GSAP: variants seen among roughly 807,000 people sequenced by gnomAD.
GSAP encodes gamma-secretase-activating protein.
GSAP carries 118 observed loss-of-function variants against 131.7 expected under a neutral mutation model. That is an observed-to-expected ratio of 0.90 (90% confidence interval 0.77 to 1.04). The LOEUF is 1.04. Ranked by LOEUF, GSAP falls within the 50% of genes least tolerant of loss-of-function variation. The pLI is 0.00. For synonymous variants in GSAP, 381 were observed against 363.4 expected, an observed-to-expected ratio of 1.05 and a Z score of -0.55; for missense variants, 1,019 against 1,013.2, an observed-to-expected ratio of 1.01 and a Z score of -0.08.
rs370560601 is a variant in GSAP, at chr7:77,387,953, G to A, written c.368-505C>T. Reference sequence around the variant, plus strand: ...CCAGCAACATATAAGAGGGCCTAACGGGTTTCTAATGGATATCATTTTTCC... The same window carrying A: ...CCAGCAACATATAAGAGGGCCTAACAGGTTTCTAATGGATATCATTTTTCC... On this transcript the variant is annotated intron_variant, in intron 5 of 30. Transcript: ENST00000257626. Among the ~76,000 whole-genome samples the A allele has an allele frequency of 1.4e-4, 21 of 152,252 alleles. No individual in the cohort carries two copies. The East Asian group carries it at 3.7e-3, about 27-fold the overall frequency.
chr7:77,381,112 T>C (rs1012221633), intron 8 of GSAP, among the ~76,000 whole-genome samples, 193 bp downstream of exon 8: 6 of 152,082 alleles, frequency 3.9e-5, no homozygotes, highest in Non-Finnish European at 8.8e-5. Flanking sequence ...AGGGTTGAGG[T>C]AGAGAAAAAG....
Position 77,377,347 on chromosome 7 carries a change from T to C in GSAP, c.620A>G (p.Glu207Gly). ...ATCCCACTGAGCCCAAACGAAATCC[T>C]CAGCTATTCTGTCTCTTGGGAGATG... Reference protein sequence around the residue: ...SGHLPRDRIAEDFVWAQWDMS... With the variant: ...SGHLPRDRIAGDFVWAQWDMS... The change falls in exon 9 of 31, where the codon GAG becomes GGG. Residue 207 changes from glutamate (E) to glycine (G), a missense_variant. Transcript: ENST00000257626. The C allele has an allele frequency of 6.6e-7, 1 of 1,519,386 alleles. No homozygotes were observed. Among genetic ancestry groups the C allele is most frequent in the Non-Finnish European group, 8.8e-7 (1 of 1,131,394 alleles). 94.1% of individuals were successfully genotyped at this position (1,519,386 alleles called of 1,614,324 possible). A position where few individuals can be genotyped will look rare whatever the true frequency, so the allele number is the denominator to read the frequency against.
intron 27 of GSAP, 63 bp downstream of exon 27, chr7:77,314,307 A>G (rs1794734881): frequency 1.9e-6 from 3 of 1,597,482 alleles, no homozygotes; most frequent in East Asian, 4.5e-5. Flanking sequence ...TGCACACCCA[A>G]GAAGCTAGCC....
In GSAP at chr7:77,360,799, G is replaced by T. The variant is rs746077494; in HGVS notation, c.1027+25C>A. 13 of 1,220,616 alleles carry T rather than the reference G, an allele frequency of 1.1e-5. No individual in the cohort carries two copies. In the Admixed American group the frequency reaches 2.0e-4, roughly 19 times the overall value. The allele number at this position is 1,220,616 out of a possible 1,614,324, so 75.6% of individuals were successfully genotyped here. On this transcript the variant is annotated intron_variant, in intron 14 of 30. Coordinates refer to ENST00000257626, the MANE Select transcript of GSAP (RefSeq NM_017439.4). ...GCCTAGGAACAAGTGTTCAGAGCAG[G>T]GGGTGTGATCTCTCCATCACTCACC...
chr7:77,413,857 G>GT (rs75886240), intron 1 of GSAP, among the ~76,000 whole-genome samples: 78,179 of 149,892 alleles, frequency 0.52, 21,337 homozygotes, highest in South Asian at 0.63. Context: ...TACTTCGGTG[G>GT]TTTTTTTCTT....
intron 19 of GSAP, chr7:77,330,591 T>TTTTTTTTTTG: frequency 9.4e-7 from 1 of 1,065,244 alleles, no homozygotes; most frequent in Non-Finnish European, 1.1e-6. Context: ...TTTTTTTTTT[T>TTTTTTTTTTG]TTGTCGTTGT....
intron 10 of GSAP, 30 bp from the exon 11 acceptor site, chr7:77,375,131 A>G (rs753409472): frequency 7.2e-7 from 1 of 1,391,572 alleles, no homozygotes; most frequent in East Asian, 2.3e-5. Context: ...AAATGAACCC[A>G]AAATGACAGA....
intron 12 of GSAP, among the ~76,000 whole-genome samples, chr7:77,368,957 A>G (rs1470471302): frequency 6.6e-6 from 1 of 152,232 alleles, no homozygotes; most frequent in East Asian, 1.9e-4. Flanking sequence ...AATGATGAAG[A>G]TAATATCTCA....
chr7:77,402,592 T>TAAA (rs1801527045), intron 3 of GSAP, among the ~76,000 whole-genome samples: 1 of 6,046 alleles, frequency 1.7e-4, no homozygotes, highest in Non-Finnish European at 4.2e-4. Flanking sequence ...AGACTCTGTC[T>TAAA]CAAAAAAAAA....
In GSAP at chr7:77,311,231, A is replaced by G; in HGVS notation, c.*127T>C. 1 of 659,054 alleles carries G rather than the reference A, an allele frequency of 1.5e-6. No homozygotes were observed. Among genetic ancestry groups the G allele is most frequent in the East Asian group, 2.7e-5 (1 of 37,268 alleles). 40.8% of individuals were successfully genotyped at this position (659,054 alleles called of 1,614,324 possible). A position where few individuals can be genotyped will look rare whatever the true frequency, so the allele number is the denominator to read the frequency against. ...GAACGTGTACCAACCTGAAACTCACATGGCTAAACAATTATGGCTAAACTA... is the reference window on the plus strand; with the variant it reads ...GAACGTGTACCAACCTGAAACTCACGTGGCTAAACAATTATGGCTAAACTA... On this transcript the variant is annotated 3_prime_UTR_variant, in exon 31 of 31. Coordinates refer to ENST00000257626, the MANE Select transcript of GSAP (RefSeq NM_017439.4).
chr7:77,353,890 G>C (rs535378486), intron 16 of GSAP, among the ~76,000 whole-genome samples: 1 of 152,142 alleles, frequency 6.6e-6, no homozygotes, highest in East Asian at 1.9e-4. Context: ...CCAAATAAAC[G>C]TTCCTCAACC....
chr7:77,387,495 CATT>C lies in GSAP; in HGVS notation c.368-50_368-48del, dbSNP rs759268814. The C allele has an allele frequency of 6.1e-5, 61 of 1,004,222 alleles. No homozygotes were observed. In the East Asian group the frequency reaches 1.3e-3, roughly 22 times the overall value. 62.2% of individuals were successfully genotyped at this position (1,004,222 alleles called of 1,614,324 possible). On this transcript the variant is annotated intron_variant, in intron 5 of 30. Coordinates refer to ENST00000257626, the MANE Select transcript of GSAP (RefSeq NM_017439.4). ...TAGTAACGAAGATTGTAATATCACA[CATT>C]ATTTTTTCCAAAGCAAGGAGTAAGA... is the stretch of plus-strand genomic sequence containing the variant.
At chr7:77,343,647 C>T (rs1791348370) in intron 19 of GSAP, among the ~76,000 whole-genome samples, 2 of 152,180 alleles carry the variant, frequency 1.3e-5, no homozygotes, top group African/African-American at 4.8e-5. Flanking sequence ...ATTTCTGTCC[C>T]TCACTGCCAG....
chr7:77,312,183 C>T lies in GSAP; in HGVS notation c.2291G>A (p.Cys764Tyr), dbSNP rs1282097066. 6.3e-7 allele frequency: 1 copy of T among 1,595,646 alleles called. No homozygotes were observed. Among genetic ancestry groups the T allele is most frequent in the Non-Finnish European group, 8.5e-7 (1 of 1,172,166 alleles). ...RLPPLIGQKI[C>Y]RLWDHPMSSN... ...ACTCATAGGATGATCCCAAAGTCTA[C>T]AAATCTTCTGCCCAATAAGCTATTA... The change falls in exon 29 of 31, where the codon TGT (cysteine) becomes TAT (tyrosine). Residue 764 changes from cysteine to tyrosine, a missense_variant. Cys to Tyr is a radical substitution (Grantham distance 194, BLOSUM62 -2). Transcript: ENST00000257626.
In GSAP at chr7:77,312,161, CAT is replaced by C; in HGVS notation, c.2311_2312del (p.Met771GlufsTer3). The part of the protein sequence containing the change: ...QKICRLWDHP[M>X]SSNIISRNHV... The stretch of plus-strand genomic sequence containing the variant: ...GGTTCCGCGAAATGATGTTAGAACT[CAT>C]AGGATGATCCCAAAGTCTACAAATC... On this transcript the variant is annotated frameshift_variant, in exon 29 of 31. Coordinates refer to ENST00000257626, the MANE Select transcript of GSAP (RefSeq NM_017439.4). LOFTEE classifies it high-confidence loss of function. 1 of 1,604,128 alleles carries C rather than the reference CAT, an allele frequency of 6.2e-7. No homozygotes were observed. Among genetic ancestry groups the C allele is most frequent in the Non-Finnish European group, 8.5e-7 (1 of 1,176,546 alleles).
At chr7:77,369,909 T>C (rs1210986910) in intron 12 of GSAP, among the ~76,000 whole-genome samples, 1 of 152,122 alleles carries the variant, frequency 6.6e-6, no homozygotes, top group Non-Finnish European at 1.5e-5. Context: ...CACGTTTTTT[T>C]ATTTTTTCAA....
At chr7:77,389,766 C>T (rs868684396) in intron 5 of GSAP, among the ~76,000 whole-genome samples, 3 of 152,176 alleles carry the variant, frequency 2.0e-5, no homozygotes, top group Non-Finnish European at 2.9e-5. Context: ...GTCTTTATAG[C>T]AGCATGATTT....
At chr7:77,405,196 G>A (rs576029339) in intron 2 of GSAP, among the ~76,000 whole-genome samples, 4 of 152,316 alleles carry the variant, frequency 2.6e-5, no homozygotes, top group African/African-American at 7.2e-5. Context: ...GGAGGTTGAG[G>A]CAGGAGCTCA....
chr7:77,311,668 A>C, intron 30 of GSAP, 173 bp downstream of exon 30: 1 of 590,422 alleles, frequency 1.7e-6, no homozygotes, highest in Non-Finnish European at 3.0e-6. Context: ...AGAGGTGATT[A>C]TTTGGTAATT....
Sources: allele counts gnomAD v4.1 joint callset (sites outside exome capture counted in the v4.1 genomes callset), GRCh38; gene constraint gnomAD v4.1.1; transcripts MANE v1.5; gene names NCBI Gene and HGNC (gene_info 2026-07-23, HGNC 2026-07-21).